Variants in COL4A3 observed in about 807,000 individuals in gnomAD.
COL4A3 encodes the protein collagen type IV alpha 3 chain, also known as collagen alpha-3(IV) chain.
COL4A3 carries 135 observed loss-of-function variants against 217.4 expected under a neutral mutation model. That is an observed-to-expected ratio of 0.62 (90% confidence interval 0.54 to 0.72). The LOEUF (loss-of-function observed/expected upper bound fraction) is 0.72. Ranked by LOEUF, COL4A3 falls within the 30% of genes least tolerant of loss-of-function variation. COL4A3 has a pLI of 0.00. For missense variants in COL4A3, 1,868 were observed against 2,119.9 expected (o/e 0.88, Z 2.33); for synonymous variants, 690 against 736.3 (o/e 0.94, Z 1.02).
chr2:227,189,011 C>A (rs532503274), intron 1 of COL4A3, among the ~76,000 whole-genome samples: 2 of 152,222 alleles, frequency 1.3e-5, no homozygotes, highest in South Asian at 4.2e-4. Context: ...CACACTGAGA[C>A]TGAAATCTAG....
intron 23 of COL4A3, among the ~76,000 whole-genome samples, chr2:227,267,733 T>C (rs977643305): frequency 2.6e-5 from 4 of 152,070 alleles, no homozygotes; most frequent in African/African-American, 9.7e-5. Context: ...GGAATTTTTA[T>C]TTAAAATCTC....
rs143907107 is a variant in COL4A3 at position 227,207,086 on chromosome 2, A to C, written c.88-30882A>C. Among the ~76,000 whole-genome samples, 632 of 152,234 alleles carry C rather than the reference A, an allele frequency of 4.2e-3. 5 individuals carry two copies. The highest frequency in any genetic ancestry group is 0.015 in the African/African-American group (616 of 41,532). On this transcript the variant is annotated intron_variant, in intron 1 of 51. Coordinates refer to ENST00000396578, the MANE Select transcript of COL4A3 (RefSeq NM_000091.5). ...AAATCCTGAGTCCTGGGCTAGGAAG[A>C]GCAGGTCTGTGAATGAGGGGGCCCT...
chr2:227,295,025 T>C lies in COL4A3; in HGVS notation c.3480T>C (p.Asp1160=), dbSNP rs766927075. The C allele has an allele frequency of 4.3e-6, 7 of 1,613,534 alleles. No individual in the cohort carries two copies. The highest frequency in any genetic ancestry group is 5.9e-6 in the Non-Finnish European group (7 of 1,179,882). Residue 1160 remains aspartate (D), a synonymous_variant, in exon 40 of 52, where the codon GAT becomes GAC. Coordinates refer to ENST00000396578, the MANE Select transcript of COL4A3 (RefSeq NM_000091.5). Reference sequence around the variant, plus strand: ...GTATAAGAGGTGACCAAGGACGTGATGGAATTCCTGGTCCAGCCGGAGAAA... The same window carrying C: ...GTATAAGAGGTGACCAAGGACGTGACGGAATTCCTGGTCCAGCCGGAGAAA... ...PMGIRGDQGR[D]GIPGPAGEKG... is the part of the protein sequence containing the mutation.
At chr2:227,300,259 T>C (rs1482700833) in intron 43 of COL4A3, among the ~76,000 whole-genome samples, 2 of 152,196 alleles carry the variant, frequency 1.3e-5, no homozygotes, top group African/African-American at 4.8e-5. Context: ...ACTTGGGCCA[T>C]TGGGCTGACC....
At chr2:227,223,563 C>CCCCG (rs56851564) in intron 1 of COL4A3, among the ~76,000 whole-genome samples, 67,918 of 151,106 alleles carry the variant, frequency 0.45, 16,510 homozygotes, top group Non-Finnish European at 0.56. Context: ...GTGAGACGCC[C>CCCCG]CCCCAACTCT....
chr2:227,297,602 T>G, intron 41 of COL4A3, 72 bp from the exon 42 acceptor site: 1 of 1,419,466 alleles, frequency 7.0e-7, no homozygotes, highest in Non-Finnish European at 9.7e-7. Context: ...ACCTACATTA[T>G]TAAAGATAGT....
intron 5 of COL4A3, 66 bp from the exon 6 acceptor site, chr2:227,245,887 CT>C: frequency 8.8e-7 from 1 of 1,139,940 alleles, no homozygotes; most frequent in Non-Finnish European, 1.3e-6. Flanking sequence ...ATCAGTGCAT[CT>C]TTTCCCTTGG....
rs1313334190 is a variant in COL4A3 at position 227,304,957 on chromosome 2, A to T, written c.4154-28A>T. On this transcript the variant is annotated intron_variant, in intron 46 of 51. Transcript: ENST00000396578. ...CTTACTTTTCATCCTATATGATAAA[A>T]TGCAATACAATGTTGGTTTTTGCCT... The T allele has an allele frequency of 2.5e-6, 4 of 1,580,048 alleles. No individual in the cohort carries two copies. In the African/African-American group the frequency reaches 5.4e-5, roughly 21 times the overall value.
At chr2:227,189,951 G>A (rs1386977486) in intron 1 of COL4A3, among the ~76,000 whole-genome samples, 2 of 152,048 alleles carry the variant, frequency 1.3e-5, no homozygotes, top group African/African-American at 2.4e-5. Context: ...CCCCAAATCA[G>A]GAAGTTTCCT....
Position 227,253,452 on chromosome 2 carries a change from A to G in COL4A3, c.688-109A>G, listed in dbSNP as rs1190148603. On this transcript the variant is annotated intron_variant, in intron 12 of 51. Coordinates refer to ENST00000396578, the MANE Select transcript of COL4A3 (RefSeq NM_000091.5). This position sits in a 1 kb window ranked among gnomAD's most constrained non-coding sequence, Gnocchi z 4.4. Reference sequence around the variant, plus strand: ...AAATTGATGGGCCTTCATTTGTTCTATCTTCCCGTATAAGCACTAAAGGGG... The same window carrying G: ...AAATTGATGGGCCTTCATTTGTTCTGTCTTCCCGTATAAGCACTAAAGGGG... 1 of 1,410,902 alleles carries G rather than the reference A, an allele frequency of 7.1e-7. No individual in the cohort carries two copies. Among genetic ancestry groups the G allele is most frequent in the African/African-American group, 1.4e-5 (1 of 70,800 alleles). 87.4% of individuals were successfully genotyped at this position (1,410,902 alleles called of 1,614,324 possible).
Position 227,307,747 on chromosome 2 carries a change from A to G in COL4A3, c.4290A>G (p.Gly1430=). The G allele has an allele frequency of 1.9e-6, 3 of 1,614,198 alleles. No individual in the cohort carries two copies. The highest frequency in any genetic ancestry group is 2.5e-6 in the Non-Finnish European group (3 of 1,180,032). Residue 1430 remains glycine, a synonymous_variant, in exon 48 of 52, where the codon GGA becomes GGG. Transcript: ENST00000396578. The stretch of plus-strand genomic sequence containing the variant: ...CAGATGGATTGCCAGGTTTGAAAGG[A>G]AAACGTGGAGACAGTGGATCACCTG... The part of the protein sequence containing the change: ...AGSDGLPGLK[G]KRGDSGSPAT...
At position 227,310,887 on chromosome 2, in the gene COL4A3, A is replaced by G; in HGVS notation, c.4867A>G (p.Asn1623Asp). ...FLECHGRGTC[N>D]YYSNSYSFWL... ...AGAATGTCATGGAAGAGGAACGTGC[A>G]ACTACTATTCAAATTCCTACAGTTT... is the stretch of plus-strand genomic sequence containing the variant. Residue 1623 changes from asparagine to aspartate, a missense_variant, in exon 51 of 52, where the codon AAC becomes GAC. Physicochemically the swap from Asn to Asp is conservative, Grantham distance 23. Around this residue, in one of 2 missense-constraint regions of COL4A3, gnomAD observed 1,503 missense variants for 1,786.1 expected, o/e 0.84. Transcript: ENST00000396578. The G allele has an allele frequency of 6.2e-7, 1 of 1,614,170 alleles. No homozygotes were observed. The highest frequency in any genetic ancestry group is 1.7e-5 in the Admixed American group (1 of 60,020).
intron 6 of COL4A3, 28 bp downstream of exon 6, chr2:227,246,044 TAATA>T: frequency 6.5e-7 from 1 of 1,527,308 alleles, no homozygotes; most frequent in Non-Finnish European, 9.1e-7. Flanking sequence ...AGAAGATGAT[TAATA>T]AATGCTTTGC....
intron 41 of COL4A3, chr2:227,296,654 T>A: frequency 3.7e-6 from 1 of 270,042 alleles, no homozygotes; most frequent in Middle Eastern, 1.9e-3. Flanking sequence ...GTCATTGCCA[T>A]GCAAATACAG....
intron 43 of COL4A3, among the ~76,000 whole-genome samples, chr2:227,300,488 T>C (rs2073231752): frequency 1.3e-5 from 2 of 152,218 alleles, no homozygotes; most frequent in African/African-American, 4.8e-5. Context: ...ATATTCTCTC[T>C]CTCAACACCA....
chr2:227,205,334 A>G (rs1311309043), intron 1 of COL4A3, among the ~76,000 whole-genome samples: 12 of 152,134 alleles, frequency 7.9e-5, no homozygotes, highest in Admixed American at 5.2e-4. Flanking sequence ...ATTCTATCAA[A>G]TAAAATAAAT....
chr2:227,254,035 G>A (rs567519347), intron 13 of COL4A3, 77 bp from the exon 14 acceptor site: 1 of 1,324,500 alleles, frequency 7.6e-7, no homozygotes, highest in South Asian at 1.2e-5. Flanking sequence ...TGAACAGATA[G>A]AGGATTTGTC....
chr2:227,202,009 A>C (rs571148104), intron 1 of COL4A3, among the ~76,000 whole-genome samples: 34 of 152,348 alleles, frequency 2.2e-4, no homozygotes, highest in South Asian at 4.1e-4. Flanking sequence ...AAGGACTTCA[A>C]ATGATTTTCC....
At chr2:227,293,526 T>C (rs2072878908) in intron 38 of COL4A3, among the ~76,000 whole-genome samples, 1 of 152,190 alleles carries the variant, frequency 6.6e-6, no homozygotes, top group African/African-American at 2.4e-5. Flanking sequence ...AATACAAAAA[T>C]ATGTTCCTAT....
Sources: gnomAD v4.1 joint callset for allele counts (sites outside exome capture counted in the v4.1 genomes callset) on GRCh38, gnomAD v4.1.1 for gene constraint, gnomAD v4.1.1 regional missense constraint, Gnocchi (gnomAD v3.1) non-coding constraint, MANE v1.5 for transcripts, NCBI Gene and HGNC (gene_info 2026-07-23, HGNC 2026-07-21) for gene names.